ENTPD5: variants seen among roughly 807,000 people sequenced by gnomAD.
ENTPD5 encodes ectonucleoside triphosphate diphosphohydrolase 5 (inactive).
A neutral mutation model predicts 60.2 loss-of-function variants in ENTPD5; 49 were observed. The observed-to-expected ratio is 0.81, with a 90% CI of 0.65 to 1.03. The LOEUF (loss-of-function observed/expected upper bound fraction) is 1.03. Among genes scored for constraint, ENTPD5 ranks in the 50% least tolerant of loss-of-function variants. The probability of loss-of-function intolerance (pLI) is 0.00; values close to 1 mark genes in which losing one functional copy is unlikely to be tolerated. For missense variants in ENTPD5, 480 were observed against 507.6 expected (o/e 0.95, Z 0.52); for synonymous variants, 187 against 185.4 (o/e 1.01, Z -0.07).
intron 6 of ENTPD5, among the ~76,000 whole-genome samples, chr14:73,981,446 C>A (rs1322090392): frequency 6.6e-6 from 1 of 151,068 alleles, no homozygotes; most frequent in African/African-American, 2.4e-5. Flanking sequence ...TTGCAGTGAG[C>A]CAACATTGTG....
At chr14:74,003,567 C>CAAT in intron 3 of ENTPD5, 1 of 656,892 alleles carries the variant, frequency 1.5e-6, no homozygotes, top group Non-Finnish European at 2.7e-6. Flanking sequence ...GGACTGCATG[C>CAAT]TATTGTGTAG....
chr14:73,977,097 A>G (rs1434662957), intron 7 of ENTPD5, 38 bp from the exon 8 acceptor site: 3 of 1,590,648 alleles, frequency 1.9e-6, no homozygotes, highest in African/African-American at 2.7e-5. Context: ...ATCCCAGAGC[A>G]TTTTTTCTCT....
Position 73,988,135 on chromosome 14 carries a change from T to G in ENTPD5, c.-33A>C. On this transcript the variant is annotated 5_prime_UTR_variant, in exon 4 of 16. Transcript: ENST00000334696. ...CCAAGATGTGGCTGGGTGGAGGCTT[T>G]TGTTGCAGAAGCAATCCTGCTCGCA... is the stretch of plus-strand genomic sequence containing the variant. The G allele has an allele frequency of 6.3e-7, 1 of 1,584,766 alleles. No homozygotes were observed. Among genetic ancestry groups the G allele is most frequent in the Non-Finnish European group, 8.6e-7 (1 of 1,165,302 alleles).
At chr14:73,997,439 A>G (rs1016181681) in intron 3 of ENTPD5, among the ~76,000 whole-genome samples, 1 of 152,188 alleles carries the variant, frequency 6.6e-6, no homozygotes, top group African/African-American at 2.4e-5. Context: ...AAAGGTCCAA[A>G]AAGAGTGAAA....
At chr14:73,977,830 C>G (rs1462497713) in intron 6 of ENTPD5, among the ~76,000 whole-genome samples, 2 of 152,194 alleles carry the variant, frequency 1.3e-5, no homozygotes, top group African/African-American at 4.8e-5. Flanking sequence ...CTACCAGCTC[C>G]TGTCAGATTC....
At chr14:73,957,244 C>T (rs548778040), downstream of ENTPD5, among the ~76,000 whole-genome samples, 7 of 152,016 alleles carry the variant, frequency 4.6e-5, no homozygotes, top group South Asian at 1.5e-3. Context: ...ACTATAGGCG[C>T]CTGCCACCGT....
chr14:73,977,256 C>A, intron 7 of ENTPD5, 43 bp downstream of exon 7: 1 of 1,495,050 alleles, frequency 6.7e-7, no homozygotes, highest in Non-Finnish European at 9.3e-7. Flanking sequence ...TTTCACTGAT[C>A]CTGCCCCTCT....
downstream of ENTPD5, chr14:73,961,061 A>G (rs1014242022): frequency 5.7e-6 from 7 of 1,228,968 alleles, no homozygotes; most frequent in Admixed American, 1.4e-4. Context: ...AGTGTAGGCA[A>G]GTTGGGTAGC....
At chr14:73,967,218 C>T (rs2057014413) in intron 15 of ENTPD5, among the ~76,000 whole-genome samples, 1 of 152,266 alleles carries the variant, frequency 6.6e-6, no homozygotes, top group African/African-American at 2.4e-5. Context: ...CCTACACCCA[C>T]CATTCTCATA....
At position 73,975,962 on chromosome 14, in the gene ENTPD5, G is replaced by A; in HGVS notation, c.696C>T (p.Asn232=). 1.9e-6 allele frequency: 3 copies of A among 1,613,472 alleles called. No homozygotes were observed. Among genetic ancestry groups the A allele is most frequent in the Non-Finnish European group, 2.5e-6 (3 of 1,179,712 alleles). The change falls in exon 10 of 16, where the codon AAC becomes AAT. Residue 232 remains asparagine, a synonymous_variant. Transcript: ENST00000334696. ...RGYLTSFEMF[N]STYKLYTHSY... is the part of the protein sequence containing the mutation. Reference sequence around the variant, plus strand: ...TATGTGTATAGAGCTTATAAGTGCTGTTAAACATCTCAAAGGAAGTGAGGT... The same window carrying A: ...TATGTGTATAGAGCTTATAAGTGCTATTAAACATCTCAAAGGAAGTGAGGT...
At chr14:73,998,471 G>C (rs2058406490) in intron 3 of ENTPD5, among the ~76,000 whole-genome samples, 1 of 152,082 alleles carries the variant, frequency 6.6e-6, no homozygotes, top group African/African-American at 2.4e-5. Context: ...GTAACCGACA[G>C]TGACAGCCAT....
chr14:73,989,114 GC>G (rs2058027717), intron 3 of ENTPD5, among the ~76,000 whole-genome samples: 2 of 151,256 alleles, frequency 1.3e-5, no homozygotes, highest in Admixed American at 1.3e-4. Context: ...AAGCCACCAC[GC>G]CCAGCCACTT....
chr14:73,956,089 C>T (rs1336857471), downstream of ENTPD5: 1 of 946,912 alleles, frequency 1.1e-6, no homozygotes, highest in African/African-American at 1.6e-5. Context: ...CTTTTGGAGG[C>T]TAAGGCGGGC....
downstream of ENTPD5, chr14:73,962,871 G>A: frequency 4.9e-6 from 5 of 1,020,616 alleles, no homozygotes; most frequent in African/African-American, 1.6e-5. Flanking sequence ...AATAAAACAA[G>A]GACACTTGGG....
At chr14:73,955,746 C>G (rs1182318832), downstream of ENTPD5, 7 of 1,612,438 alleles carry the variant, frequency 4.3e-6, no homozygotes, top group East Asian at 1.6e-4. Context: ...AATATTGTTT[C>G]TGATTGGAGT....
downstream of ENTPD5, chr14:73,961,076 G>A: frequency 7.1e-7 from 1 of 1,411,796 alleles, no homozygotes; most frequent in Admixed American, 2.0e-5. Flanking sequence ...GGTAGCATTA[G>A]CCTAAGCTTT....
intron 3 of ENTPD5, among the ~76,000 whole-genome samples, chr14:73,991,994 C>T (rs1594911092): frequency 6.7e-6 from 1 of 149,976 alleles, no homozygotes; most frequent in African/African-American, 2.4e-5. Context: ...AGCGAAACTC[C>T]GTCTCACAAA....
At chr14:73,978,239 T>C (rs2057524653) in intron 6 of ENTPD5, among the ~76,000 whole-genome samples, 1 of 150,930 alleles carries the variant, frequency 6.6e-6, no homozygotes, top group Non-Finnish European at 1.5e-5. Flanking sequence ...TCCTACAGTT[T>C]GTTCTCAAAA....
intron 3 of ENTPD5, among the ~76,000 whole-genome samples, chr14:73,999,499 A>AG (rs1161442936): frequency 2.0e-5 from 3 of 148,450 alleles, no homozygotes; most frequent in African/African-American, 7.5e-5. Context: ...CACCCCCCCA[A>AG]AAAAAACAAA....
Sources: allele counts gnomAD v4.1 joint callset (sites outside exome capture counted in the v4.1 genomes callset), GRCh38; gene constraint gnomAD v4.1.1; transcripts MANE v1.5; gene names NCBI Gene and HGNC (gene_info 2026-07-23, HGNC 2026-07-21).